The following DCC variants were observed in gnomAD, a reference collection of about 807,000 sequenced individuals.
DCC encodes the protein netrin receptor DCC.
In DCC, 58 loss-of-function variants were observed where a neutral mutation model predicts 172.5. That is an observed-to-expected ratio of 0.34 (90% CI 0.27 to 0.42). DCC has a LOEUF of 0.42. DCC is among the 10% of genes least tolerant of loss of function. DCC has a pLI of 1.00. For synonymous variants in DCC, 709 were observed against 644.5 expected (o/e 1.10, Z -1.52); for missense variants, 1,740 against 1,791.0 (o/e 0.97, Z 0.51).
At chr18:53,487,168 C>CTGACAA (rs1415937847) in intron 26 of DCC, among the ~76,000 whole-genome samples, 1 of 152,168 alleles carries the variant, frequency 6.6e-6, no homozygotes, top group Non-Finnish European at 1.5e-5. Context: ...GCACACTCCA[C>CTGACAA]TGACAATACA....
intron 12 of DCC, among the ~76,000 whole-genome samples, chr18:53,281,261 T>G (rs1316455379): frequency 6.6e-6 from 1 of 152,170 alleles, no homozygotes; most frequent in East Asian, 1.9e-4. Context: ...CCTAATGGTT[T>G]TGCAAGTACT....
chr18:53,314,318 G>C lies in DCC; in HGVS notation c.2054-7729G>C, dbSNP rs2057319385. ...TCGCAAGTTAAATTTTCTTGATAAA[G>C]GTTTGATAAAAAAGTTACCGAATTT... is the stretch of plus-strand genomic sequence containing the variant. On this transcript the variant is annotated intron_variant, in intron 13 of 28. Transcript: ENST00000442544. 1.3e-5 allele frequency among the ~76,000 whole-genome samples: 2 copies of C among 152,118 alleles called. 1 individual carries two copies. Among genetic ancestry groups the C allele is most frequent in the South Asian group, 4.1e-4 (2 of 4,830 alleles).
chr18:52,443,399 T>C (rs1284991111), intron 1 of DCC, among the ~76,000 whole-genome samples: 1 of 152,192 alleles, frequency 6.6e-6, no homozygotes, highest in East Asian at 1.9e-4. Context: ...AGCATACAAG[T>C]GATATTTGTA....
intron 5 of DCC, among the ~76,000 whole-genome samples, chr18:53,059,572 C>T (rs2042464696): frequency 1.3e-5 from 2 of 152,106 alleles, no homozygotes; most frequent in South Asian, 2.1e-4. Context: ...ATTCCTTTTG[C>T]TCAGCGAACT....
chr18:52,836,981 G>C (rs1481448235), intron 2 of DCC, among the ~76,000 whole-genome samples: 2 of 152,160 alleles, frequency 1.3e-5, no homozygotes, highest in Non-Finnish European at 2.9e-5. Context: ...CTCAATTCTT[G>C]ACTTCTATGC....
At chr18:52,352,381 C>T (rs888381813) in intron 1 of DCC, among the ~76,000 whole-genome samples, 2 of 152,132 alleles carry the variant, frequency 1.3e-5, no homozygotes, top group African/African-American at 4.8e-5. Context: ...ATTTTGAAAT[C>T]AATCACATCA....
At chr18:52,584,793 G>A (rs991970754) in intron 1 of DCC, among the ~76,000 whole-genome samples, 2 of 151,414 alleles carry the variant, frequency 1.3e-5, no homozygotes, top group South Asian at 4.2e-4. Flanking sequence ...TCCCACCTCA[G>A]CTTTCCAAAG....
At chr18:52,670,523 TAGGACA>T (rs2035532532) in intron 1 of DCC, among the ~76,000 whole-genome samples, 1 of 152,154 alleles carries the variant, frequency 6.6e-6, no homozygotes, top group Admixed American at 6.5e-5. Context: ...AATATGCAAA[TAGGACA>T]AGTTTATCTG....
chr18:52,638,580 C>A (rs1006329840), intron 1 of DCC, among the ~76,000 whole-genome samples: 3 of 152,040 alleles, frequency 2.0e-5, no homozygotes, highest in African/African-American at 7.2e-5. Context: ...AAAGAGACAA[C>A]GAGGGACATT....
chr18:53,144,444 C>T (rs896850461), intron 7 of DCC, among the ~76,000 whole-genome samples: 2 of 152,078 alleles, frequency 1.3e-5, no homozygotes, highest in East Asian at 1.9e-4. Context: ...TGGAAGAGCA[C>T]GGGACATCTT....
intron 6 of DCC, among the ~76,000 whole-genome samples, chr18:53,064,403 C>T (rs751108377): frequency 5.3e-5 from 8 of 152,122 alleles, no homozygotes; most frequent in Middle Eastern, 3.2e-3. Flanking sequence ...TTTAGGCCTA[C>T]TTATGTTTGA....
At chr18:53,043,412 T>G in intron 5 of DCC, among the ~76,000 whole-genome samples, 1 of 151,938 alleles carries the variant, frequency 6.6e-6, no homozygotes, top group Non-Finnish European at 1.5e-5. Flanking sequence ...TGTATACCTA[T>G]GTAACAAACC....
intron 2 of DCC, among the ~76,000 whole-genome samples, chr18:52,887,815 A>C (rs975310092): frequency 3.3e-5 from 5 of 152,158 alleles, no homozygotes; most frequent in African/African-American, 1.2e-4. Flanking sequence ...AATTTTTCTC[A>C]GAATTAGTTT....
At chr18:53,099,158 C>G (rs72917380) in intron 7 of DCC, among the ~76,000 whole-genome samples, 1 of 151,982 alleles carries the variant, frequency 6.6e-6, no homozygotes, top group South Asian at 2.1e-4. Context: ...AATAAGTTGC[C>G]AAATGGTAAG....
chr18:52,660,270 C>G (rs2035333170), intron 1 of DCC, among the ~76,000 whole-genome samples: 1 of 152,120 alleles, frequency 6.6e-6, no homozygotes, highest in African/African-American at 2.4e-5. Flanking sequence ...AAAGGACATT[C>G]CACAGGAAGA....
intron 1 of DCC, among the ~76,000 whole-genome samples, chr18:52,443,125 C>T (rs1787736): frequency 6.6e-6 from 1 of 151,870 alleles, no homozygotes; most frequent in African/African-American, 2.4e-5. Context: ...ATCTACAAGA[C>T]AAATTCAGCC....
intron 1 of DCC, among the ~76,000 whole-genome samples, chr18:52,483,028 A>C (rs1054206388): frequency 1.1e-4 from 16 of 152,106 alleles, no homozygotes; most frequent in African/African-American, 3.6e-4. Flanking sequence ...CTCCTGGGAT[A>C]ATCCTCCTTT....
chr18:53,137,897 T>G (rs1016608030), intron 7 of DCC, among the ~76,000 whole-genome samples: 1 of 151,982 alleles, frequency 6.6e-6, no homozygotes, highest in Non-Finnish European at 1.5e-5. Flanking sequence ...CTCACTGCAG[T>G]TGCTGCCTCC....
intron 5 of DCC, among the ~76,000 whole-genome samples, chr18:53,062,705 T>G (rs543680934): frequency 6.6e-6 from 1 of 152,160 alleles, no homozygotes; most frequent in Non-Finnish European, 1.5e-5. Flanking sequence ...GTATATCACA[T>G]GCCATGCTGT....
Sources: allele counts gnomAD v4.1 joint callset (sites outside exome capture counted in the v4.1 genomes callset), GRCh38; gene constraint gnomAD v4.1.1; transcripts MANE v1.5; gene names NCBI Gene and HGNC (gene_info 2026-07-23, HGNC 2026-07-21).